KAT6A: variants seen among roughly 807,000 people sequenced by gnomAD.
KAT6A encodes the protein histone acetyltransferase KAT6A.
KAT6A carries 9 observed loss-of-function variants against 198.4 expected under a neutral mutation model. The ratio of observed to expected loss-of-function variants is 0.05; its 90% CI spans 0.03 to 0.08. The LOEUF is 0.08. Ranked by LOEUF, KAT6A falls within the 10% of genes least tolerant of loss-of-function variation. The pLI is 1.00. For synonymous variants in KAT6A, 890 were observed against 883.0 expected, an observed-to-expected ratio of 1.01 and a Z score of -0.14; for missense variants, 2,077 against 2,509.9, an observed-to-expected ratio of 0.83 and a Z score of 3.69.
intron 8 of KAT6A, among the ~76,000 whole-genome samples, chr8:41,964,627 GAA>G (rs61710510): frequency 0.36 from 47,281 of 130,590 alleles, 8,226 homozygotes; most frequent in African/African-American, 0.46. Context: ...TCCAAAATCT[GAA>G]AAAAAAAAAA....
At chr8:42,007,989 T>TAAAAAAAAAAA (rs1564061372) in intron 2 of KAT6A, among the ~76,000 whole-genome samples, 3 of 121,520 alleles carry the variant, frequency 2.5e-5, no homozygotes, top group African/African-American at 9.6e-5. Context: ...AAAAAAAAAT[T>TAAAAAAAAAAA]TTTATTGTTA....
At chr8:41,986,308 A>G (rs1164621665) in intron 3 of KAT6A, among the ~76,000 whole-genome samples, 1 of 152,174 alleles carries the variant, frequency 6.6e-6, no homozygotes, top group African/African-American at 2.4e-5. Flanking sequence ...ATTCTGCAAA[A>G]TCTTTCTTAG....
intron 8 of KAT6A, among the ~76,000 whole-genome samples, chr8:41,972,625 T>C (rs56345912): frequency 5.6e-4 from 85 of 152,246 alleles, no homozygotes; most frequent in Non-Finnish European, 1.1e-3. Flanking sequence ...TTCAAAACTG[T>C]CAAGGTCATG....
Position 41,933,495 on chromosome 8 carries a change from G to A in KAT6A, c.4725C>T (p.Gly1575=), listed in dbSNP as rs1259014917. ...NPSSYDSTMG[G]SICGNSSSQS... ...GGGAAGAGCTGTTCCCACAGATGCTGCCGCCCATCGTGGAGTCGTAACTGC... is the reference window on the plus strand; with the variant it reads ...GGGAAGAGCTGTTCCCACAGATGCTACCGCCCATCGTGGAGTCGTAACTGC... The change falls in exon 17 of 17, where the codon GGC becomes GGT. Residue 1575 remains glycine, a synonymous_variant. Coordinates refer to ENST00000265713, the MANE Select transcript of KAT6A (RefSeq NM_006766.5). This position sits in a 1 kb window ranked among gnomAD's most constrained non-coding sequence, Gnocchi z 6.2. 3.1e-6 allele frequency: 5 copies of A among 1,613,726 alleles called. No homozygotes were observed. The highest frequency in any genetic ancestry group is 1.3e-5 in the African/African-American group (1 of 75,036).
chr8:41,940,417 A>G (rs1303461225), intron 15 of KAT6A, among the ~76,000 whole-genome samples: 3 of 152,212 alleles, frequency 2.0e-5, no homozygotes, highest in African/African-American at 4.8e-5. Context: ...GGGCAGCACT[A>G]TGTTCACTTT....
chr8:41,996,534 T>G (rs1363917444), intron 2 of KAT6A, among the ~76,000 whole-genome samples: 2 of 152,154 alleles, frequency 1.3e-5, no homozygotes, highest in African/African-American at 4.8e-5. Context: ...AAGTCTGGTG[T>G]TGTTAAGAGG....
intron 2 of KAT6A, among the ~76,000 whole-genome samples, chr8:41,991,643 G>C (rs773416859): frequency 9.2e-5 from 14 of 152,144 alleles, no homozygotes; most frequent in African/African-American, 1.7e-4. Flanking sequence ...AAAAAATATA[G>C]TATAGGACCA....
chr8:41,980,191 G>GT (rs983109329), intron 5 of KAT6A, among the ~76,000 whole-genome samples: 2 of 151,878 alleles, frequency 1.3e-5, no homozygotes, highest in Non-Finnish European at 2.9e-5. Flanking sequence ...TCTGGCTGAA[G>GT]TTTTTTTTAA....
At position 41,941,411 on chromosome 8, in the gene KAT6A, G is replaced by T; in HGVS notation, c.2470C>A (p.Gln824Lys). The change falls in exon 15 of 17, where the codon CAA (glutamine) becomes AAA (lysine). Residue 824 changes from glutamine (Q) to lysine (K), a missense_variant. This residue lies in a region of KAT6A where 301 missense variants were observed against 272.2 expected (regional missense o/e 1.11). Transcript: ENST00000265713. ...GKSVSHENKE[Q>K]DSYSVESEKK... ...TCACTTTCTACTGAATAAGAATCTTGTTCTTTGTTCTCATGAGACACAGAC... is the reference window on the plus strand; with the variant it reads ...TCACTTTCTACTGAATAAGAATCTTTTTCTTTGTTCTCATGAGACACAGAC... 6.2e-7 allele frequency: 1 copy of T among 1,604,004 alleles called. No individual in the cohort carries two copies. Among genetic ancestry groups the T allele is most frequent in the Admixed American group, 1.7e-5 (1 of 59,146 alleles).
In KAT6A at chr8:42,048,582, A is replaced by G. The variant is rs1802438403; in HGVS notation, c.396T>C (p.Ser132=). The G allele has an allele frequency of 6.2e-7, 1 of 1,614,110 alleles. No individual in the cohort carries two copies. The highest frequency in any genetic ancestry group is 1.1e-5 in the South Asian group (1 of 91,090). ...AGGCAGCACTGCCTCCGAATAATGC[A>G]GACACATCCTTCTGACCTTTCAAAA... ...ERFLKGQKDV[S]ALFGGSAASG... Residue 132 remains serine, a synonymous_variant, in exon 2 of 17, where the codon TCT becomes TCC. Transcript: ENST00000265713.
intron 8 of KAT6A, among the ~76,000 whole-genome samples, chr8:41,961,685 G>C (rs1265507699): frequency 1.7e-4 from 25 of 150,876 alleles, no homozygotes. Context: ...CCCGGGACGT[G>C]GCGGTTGCAA....
chr8:41,987,851 C>T (rs865936676), intron 2 of KAT6A, among the ~76,000 whole-genome samples: 8 of 152,080 alleles, frequency 5.3e-5, no homozygotes, highest in South Asian at 2.1e-4. Context: ...AAAAGCAAAC[C>T]CTTAAGATTG....
chr8:42,016,783 AAT>A (rs1396309275), intron 2 of KAT6A, among the ~76,000 whole-genome samples: 8 of 152,270 alleles, frequency 5.3e-5, no homozygotes, highest in Admixed American at 5.2e-4. Context: ...TAATTAGAAA[AAT>A]AAAATTTTAT....
At chr8:42,040,757 A>AG (rs1554700700) in intron 2 of KAT6A, among the ~76,000 whole-genome samples, 14 of 149,754 alleles carry the variant, frequency 9.3e-5, no homozygotes, top group African/African-American at 2.4e-4. Context: ...AAAAAAAAAA[A>AG]AAAGAAAGAA....
Position 41,934,722 on chromosome 8 carries a change from T to C in KAT6A, c.3498A>G (p.Arg1166=), listed in dbSNP as rs1438364625. The C allele has an allele frequency of 6.2e-7, 1 of 1,614,086 alleles. No homozygotes were observed. Among genetic ancestry groups the C allele is most frequent in the Admixed American group, 1.7e-5 (1 of 59,998 alleles). ...ACTTAAATCCTGGTTTTCGACCAGG[T>C]CTTTTCTTCCAGTGGATTGGTTTGC... The part of the protein sequence containing the change: ...KSRKPIHWKK[R]PGRKPGFKLS... Residue 1166 remains arginine, a synonymous_variant, in exon 17 of 17, where the codon AGA becomes AGG. Transcript: ENST00000265713.
intron 3 of KAT6A, among the ~76,000 whole-genome samples, chr8:41,984,154 G>T (rs940639465): frequency 1.3e-4 from 20 of 152,182 alleles, no homozygotes; most frequent in Non-Finnish European, 2.6e-4. Flanking sequence ...CAGTCTCCAG[G>T]CTGCTCCCTA....
At chr8:41,974,450 T>C (rs942958864) in intron 8 of KAT6A, 1 of 294,282 alleles carries the variant, frequency 3.4e-6, no homozygotes. Flanking sequence ...TTCTTCTTCA[T>C]ACAGTAAGAC....
chr8:42,006,639 G>A (rs1825763701), intron 2 of KAT6A, among the ~76,000 whole-genome samples: 1 of 152,110 alleles, frequency 6.6e-6, no homozygotes, highest in Non-Finnish European at 1.5e-5. Context: ...TTGGATTTGG[G>A]ATGCTCAACC....
chr8:41,932,160 C>T lies in KAT6A; in HGVS notation c.*45G>A, dbSNP rs778719613. ...TCTGGTTTGTCAGTATAAAAGGTTC[C>T]TTTATTTATATATATTTAAGTTTTT... On this transcript the variant is annotated 3_prime_UTR_variant, in exon 17 of 17. Coordinates refer to ENST00000265713, the MANE Select transcript of KAT6A (RefSeq NM_006766.5). 1.7e-5 allele frequency: 25 copies of T among 1,436,168 alleles called. No individual in the cohort carries two copies. Among genetic ancestry groups the T allele is most frequent in the Non-Finnish European group, 2.3e-5 (25 of 1,089,168 alleles). 89.0% of individuals were successfully genotyped at this position (1,436,168 alleles called of 1,614,324 possible). A position where few individuals can be genotyped will look rare whatever the true frequency, so the allele number is the denominator to read the frequency against.
Sources: gnomAD v4.1 joint callset for allele counts (sites outside exome capture counted in the v4.1 genomes callset) on GRCh38, gnomAD v4.1.1 for gene constraint, gnomAD v4.1.1 regional missense constraint, Gnocchi (gnomAD v3.1) non-coding constraint, MANE v1.5 for transcripts, NCBI Gene and HGNC (gene_info 2026-07-23, HGNC 2026-07-21) for gene names.